PHTF2: variants seen among roughly 807,000 people sequenced by gnomAD.
PHTF2 encodes the protein protein PHTF2.
PHTF2 carries 60 observed loss-of-function variants against 101.2 expected under a neutral mutation model. The observed-to-expected ratio is 0.59, with a 90% confidence interval of 0.48 to 0.73. The LOEUF (loss-of-function observed/expected upper bound fraction) is 0.73. PHTF2 is among the 30% of genes least tolerant of loss of function. The pLI is 0.00. For synonymous variants in PHTF2, 311 were observed against 307.3 expected, an observed-to-expected ratio of 1.01 and a Z score of -0.13; for missense variants, 747 against 908.7, an observed-to-expected ratio of 0.82 and a Z score of 2.29.
intron 3 of PHTF2, among the ~76,000 whole-genome samples, chr7:77,863,585 T>C (rs1446231638): frequency 6.6e-6 from 1 of 152,126 alleles, no homozygotes; most frequent in Non-Finnish European, 1.5e-5. Flanking sequence ...TTTTTTTTCT[T>C]CCCTGTCCAC....
intron 3 of PHTF2, among the ~76,000 whole-genome samples, chr7:77,882,177 T>C (rs995161133): frequency 2.1e-4 from 32 of 152,310 alleles, no homozygotes; most frequent in African/African-American, 7.5e-4. Context: ...GCTTTAGCTT[T>C]TATTACTCAT....
chr7:77,811,322 T>G (rs907189138), intron 1 of PHTF2, among the ~76,000 whole-genome samples: 2 of 152,192 alleles, frequency 1.3e-5, no homozygotes, highest in African/African-American at 2.4e-5. Flanking sequence ...CTTTTATAAT[T>G]TAGTTAAGGA....
At chr7:77,924,361 A>T (rs987333615) in intron 11 of PHTF2, among the ~76,000 whole-genome samples, 1 of 152,140 alleles carries the variant, frequency 6.6e-6, no homozygotes, top group African/African-American at 2.4e-5. Context: ...GCCATTTATC[A>T]CTAAATAACC....
chr7:77,896,553 C>G (rs1800891558), intron 5 of PHTF2, among the ~76,000 whole-genome samples: 1 of 152,076 alleles, frequency 6.6e-6, no homozygotes, highest in African/African-American at 2.4e-5. Context: ...GACTTTGTCT[C>G]TAAAAAATAC....
At chr7:77,886,905 C>T (rs769638955) in intron 3 of PHTF2, among the ~76,000 whole-genome samples, 61 of 151,818 alleles carry the variant, frequency 4.0e-4, no homozygotes, top group Non-Finnish European at 8.4e-4. Flanking sequence ...TTTAGCTGAG[C>T]AAGGTGGGGG....
chr7:77,882,023 A>G (rs746429078), intron 3 of PHTF2, among the ~76,000 whole-genome samples: 1 of 152,198 alleles, frequency 6.6e-6, no homozygotes, highest in Non-Finnish European at 1.5e-5. Flanking sequence ...GTGTTTTACT[A>G]TGTCATTAAC....
chr7:77,932,099 CAAAAAT>C (rs1804624070), intron 12 of PHTF2, among the ~76,000 whole-genome samples: 1 of 150,644 alleles, frequency 6.6e-6, no homozygotes, highest in African/African-American at 2.4e-5. Flanking sequence ...GACTCTGTCT[CAAAAAT>C]AAAATAAAAA....
At position 77,876,999 on chromosome 7, in the gene PHTF2, A is replaced by G. The variant is rs148608655; in HGVS notation, c.148-16609A>G. Among the ~76,000 whole-genome samples the G allele has an allele frequency of 3.9e-3, 587 of 152,328 alleles. 2 individuals carry two copies. Among genetic ancestry groups the G allele is most frequent in the Non-Finnish European group, 7.3e-3 (497 of 68,020 alleles). ...AACACTTGGGAATTATAGGTTTGTT[A>G]AATAGAACTTGGGTATTTACCCTTA... On this transcript the variant is annotated intron_variant, in intron 3 of 19. Coordinates refer to ENST00000416283, the Ensembl canonical transcript of PHTF2.
At chr7:77,828,403 TAATATTGA>T (rs1179848552) in intron 1 of PHTF2, among the ~76,000 whole-genome samples, 2 of 152,176 alleles carry the variant, frequency 1.3e-5, no homozygotes, top group African/African-American at 4.8e-5. Context: ...TTGGTAATAG[TAATATTGA>T]AGTTAAGGAA....
chr7:77,920,147 T>C (rs1803307199), intron 9 of PHTF2, 132 bp from the exon 9 acceptor site: 1 of 572,602 alleles, frequency 1.7e-6, no homozygotes. Flanking sequence ...TAAATTATTA[T>C]ACAAATAGGG....
Position 77,954,841 on chromosome 7 carries a change from T to C in PHTF2, c.2338-17T>C. 1 of 1,425,914 alleles carries C rather than the reference T, an allele frequency of 7.0e-7. No homozygotes were observed. The highest frequency in any genetic ancestry group is 9.7e-7 in the Non-Finnish European group (1 of 1,032,286). 88.3% of individuals were successfully genotyped at this position (1,425,914 alleles called of 1,614,324 possible). A position where few individuals can be genotyped will look rare whatever the true frequency, so the allele number is the denominator to read the frequency against. ...ATTAAAACTGGCTTGTCACCACTTCTATTTTTTTTTTTCTAGCTATGGAAG... is the reference window on the plus strand; with the variant it reads ...ATTAAAACTGGCTTGTCACCACTTCCATTTTTTTTTTTCTAGCTATGGAAG... On this transcript the variant is annotated splice_polypyrimidine_tract_variant and intron_variant, in intron 19 of 19. Coordinates refer to ENST00000416283, the Ensembl canonical transcript of PHTF2.
chr7:77,937,776 G>T, exon 13 of PHTF2: 1 of 1,529,900 alleles, frequency 6.5e-7, no homozygotes. Context: ...AGTATGGGAA[G>T]GTAATGATTG....
At chr7:77,943,359 C>G (rs1052345080) in intron 16 of PHTF2, among the ~76,000 whole-genome samples, 6 of 152,280 alleles carry the variant, frequency 3.9e-5, no homozygotes, top group African/African-American at 1.4e-4. Flanking sequence ...AATCTCCTGA[C>G]CTCGTGATCT....
chr7:77,904,708 ACACTTACG>A (rs1205710400), intron 7 of PHTF2, among the ~76,000 whole-genome samples: 2 of 152,286 alleles, frequency 1.3e-5, no homozygotes, highest in Non-Finnish European at 2.9e-5. Flanking sequence ...TTAAGGCCTT[ACACTTACG>A]AATCTGTTTA....
rs550679373 is a variant in PHTF2, at chr7:77,805,171, C to A, written c.-36+6200C>A. On this transcript the variant is annotated intron_variant, in intron 1 of 19. Transcript: ENST00000416283. ...GTTTGTATTTTCCTAGGAATCTGTTCGTTTAATGTAAAGTTGTTAAATTCA... is the reference window on the plus strand; with the variant it reads ...GTTTGTATTTTCCTAGGAATCTGTTAGTTTAATGTAAAGTTGTTAAATTCA... Among the ~76,000 whole-genome samples, 16 of 152,202 alleles carry A rather than the reference C, an allele frequency of 1.1e-4. No individual in the cohort carries two copies. In the South Asian group the frequency reaches 3.3e-3, roughly 32 times the overall value.
chr7:77,892,315 G>C (rs891999505), intron 3 of PHTF2, among the ~76,000 whole-genome samples: 1 of 152,038 alleles, frequency 6.6e-6, no homozygotes, highest in African/African-American at 2.4e-5. Context: ...AGACATTAAA[G>C]GTTCTTATCA....
chr7:77,853,186 T>G (rs1276005036), intron 2 of PHTF2, among the ~76,000 whole-genome samples: 1 of 152,144 alleles, frequency 6.6e-6, no homozygotes, highest in African/African-American at 2.4e-5. Flanking sequence ...TGCCTCCTTT[T>G]TAAAGTCAGT....
intron 1 of PHTF2, among the ~76,000 whole-genome samples, chr7:77,834,665 G>A (rs1223831277): frequency 6.6e-6 from 1 of 152,168 alleles, no homozygotes; most frequent in South Asian, 2.1e-4. Flanking sequence ...GGCACTTGGG[G>A]AAAACTGAGG....
chr7:77,843,225 G>A (rs568377888), intron 2 of PHTF2, among the ~76,000 whole-genome samples: 2 of 152,138 alleles, frequency 1.3e-5, no homozygotes, highest in South Asian at 4.1e-4. Context: ...ACATTATTAT[G>A]TTTGTGTATG....
Sources: allele counts gnomAD v4.1 joint callset (sites outside exome capture counted in the v4.1 genomes callset), GRCh38; gene constraint gnomAD v4.1.1; transcripts MANE v1.5; gene names NCBI Gene and HGNC (gene_info 2026-07-23, HGNC 2026-07-21).